The following ZRANB3 variants were observed in gnomAD, a reference collection of about 807,000 sequenced individuals.
ZRANB3 encodes the protein DNA annealing helicase and endonuclease ZRANB3.
Under a neutral mutation model 133.8 loss-of-function variants are expected in ZRANB3, and 125 were observed. That is an observed-to-expected ratio of 0.93 (90% CI 0.81 to 1.08). The LOEUF is 1.08. ZRANB3 is among the 50% of genes least tolerant of loss of function. The pLI is 0.00. For synonymous variants in ZRANB3, 387 were observed against 432.7 expected, an observed-to-expected ratio of 0.89 and a Z score of 1.31; for missense variants, 1,229 against 1,275.5, an observed-to-expected ratio of 0.96 and a Z score of 0.56.
chr2:135,260,893 T>A (rs1031926615), intron 12 of ZRANB3, among the ~76,000 whole-genome samples: 1 of 146,008 alleles, frequency 6.8e-6, no homozygotes, highest in African/African-American at 2.5e-5. Flanking sequence ...TATATACACT[T>A]GACATATATA....
chr2:135,313,084 C>T (rs551080243), intron 8 of ZRANB3, among the ~76,000 whole-genome samples: 23 of 149,084 alleles, frequency 1.5e-4, no homozygotes, highest in Admixed American at 1.4e-3. Context: ...GAAAGTATAA[C>T]GTATAGTATC....
At chr2:135,472,240 C>T (rs1028958540) in intron 2 of ZRANB3, among the ~76,000 whole-genome samples, 4 of 152,246 alleles carry the variant, frequency 2.6e-5, no homozygotes, top group African/African-American at 9.6e-5. Context: ...GTGGCTCATG[C>T]CTATAATCCC....
In ZRANB3 at chr2:135,315,394, G is replaced by A. The variant is rs1293886280; in HGVS notation, c.814C>T (p.Arg272Cys). ...GCTGATGGAAGATCAAATGGAATAC[G>A]CTGTCTGACTTTAGGGGGTAGCTGG... Reference protein sequence around the residue: ...LTQLPPKVRQRIPFDLPSAAA... With the variant: ...LTQLPPKVRQCIPFDLPSAAA... Residue 272 changes from arginine to cysteine, a missense_variant, in exon 7 of 21, where the codon CGT (arginine) becomes TGT (cysteine). Coordinates refer to ENST00000264159, the MANE Select transcript of ZRANB3 (RefSeq NM_032143.4). 3.1e-6 allele frequency: 5 copies of A among 1,598,064 alleles called. No homozygotes were observed. Among genetic ancestry groups the A allele is most frequent in the African/African-American group, 1.3e-5 (1 of 74,080 alleles).
chr2:135,209,891 G>A (rs2105041972), intron 17 of ZRANB3, among the ~76,000 whole-genome samples: 1 of 152,100 alleles, frequency 6.6e-6, no homozygotes, highest in African/African-American at 2.4e-5. Context: ...TATGTTATTA[G>A]GATAGATTTA....
chr2:135,485,851 G>C (rs1163556420), intron 2 of ZRANB3, among the ~76,000 whole-genome samples: 5 of 152,228 alleles, frequency 3.3e-5, no homozygotes, highest in African/African-American at 9.6e-5. Flanking sequence ...ATCGTTTAGA[G>C]AGTTGTAATC....
chr2:135,483,411 G>A (rs1559029329), intron 2 of ZRANB3, among the ~76,000 whole-genome samples: 1 of 152,158 alleles, frequency 6.6e-6, no homozygotes, highest in Non-Finnish European at 1.5e-5. Context: ...GCGTAGAGGT[G>A]TTTGTAGTAT....
At chr2:135,270,208 G>C (rs1027396631) in intron 10 of ZRANB3, among the ~76,000 whole-genome samples, 2 of 152,018 alleles carry the variant, frequency 1.3e-5, no homozygotes, top group Non-Finnish European at 2.9e-5. Context: ...TAGAAATAAT[G>C]CTGAAAAAAT....
At chr2:135,227,682 G>T in intron 14 of ZRANB3, 130 bp downstream of exon 14, 1 of 873,474 alleles carries the variant, frequency 1.1e-6, no homozygotes, top group Non-Finnish European at 1.8e-6. Context: ...GTTACAAATG[G>T]TTGGTATTTT....
Position 135,227,924 on chromosome 2 carries a change from T to G in ZRANB3, c.2046A>C (p.Ser682=). The stretch of plus-strand genomic sequence containing the variant: ...GTGCAAGGGCTTGTTTTTCACAGTC[T>G]GAGATAGTTTGAACCTTTTTGGAGG... ...KDTSKKVQTI[S]DCEKQALAQS... Residue 682 remains serine (S), a synonymous_variant, in exon 14 of 21, where the codon TCA becomes TCC. Transcript: ENST00000264159. 6.4e-7 allele frequency: 1 copy of G among 1,555,532 alleles called. No homozygotes were observed. Among genetic ancestry groups the G allele is most frequent in the Non-Finnish European group, 8.7e-7 (1 of 1,148,314 alleles).
intron 2 of ZRANB3, among the ~76,000 whole-genome samples, chr2:135,498,903 T>C (rs900749444): frequency 2.6e-5 from 4 of 152,218 alleles, no homozygotes; most frequent in African/African-American, 9.7e-5. Flanking sequence ...CCCTGTCTCC[T>C]GATAAGATGT....
chr2:135,292,898 T>G (rs577173357), intron 8 of ZRANB3, among the ~76,000 whole-genome samples: 1 of 151,870 alleles, frequency 6.6e-6, no homozygotes, highest in East Asian at 1.9e-4. Context: ...AAAGATCAGA[T>G]AGCTGTAGAT....
intron 3 of ZRANB3, among the ~76,000 whole-genome samples, chr2:135,360,444 T>C (rs141974748): frequency 3.7e-3 from 561 of 151,550 alleles, no homozygotes; most frequent in Middle Eastern, 6.9e-3. Context: ...CGGTGGCTCA[T>C]GCCTGTATCC....
intron 17 of ZRANB3, 39 bp from the exon 18 acceptor site, chr2:135,209,017 A>C: frequency 3.5e-4 from 543 of 1,569,720 alleles, no homozygotes; most frequent in Non-Finnish European, 4.2e-4. Context: ...CCTCTATCTC[A>C]TATAAAAATG....
chr2:135,483,787 G>A (rs539345408), intron 2 of ZRANB3, among the ~76,000 whole-genome samples: 9 of 152,222 alleles, frequency 5.9e-5, no homozygotes, highest in Non-Finnish European at 7.4e-5. Context: ...CTTTGAATGC[G>A]TCCCAGAGAT....
At chr2:135,416,330 C>T (rs1428016549) in intron 2 of ZRANB3, among the ~76,000 whole-genome samples, 1 of 152,032 alleles carries the variant, frequency 6.6e-6, no homozygotes, top group Non-Finnish European at 1.5e-5. Flanking sequence ...AAACACAGAG[C>T]CAAATCATGA....
At chr2:135,253,505 GCAGTTGTACCAACAT>G (rs1679503407) in intron 12 of ZRANB3, among the ~76,000 whole-genome samples, 1 of 152,090 alleles carries the variant, frequency 6.6e-6, no homozygotes, top group Non-Finnish European at 1.5e-5. Context: ...AGGTGATTTT[GCAGTTGTACCAACAT>G]CATAGAGTGT....
intron 12 of ZRANB3, among the ~76,000 whole-genome samples, chr2:135,264,915 A>G (rs1680152496): frequency 6.6e-6 from 1 of 151,888 alleles, no homozygotes; most frequent in African/African-American, 2.4e-5. Context: ...CACCCAGCTA[A>G]TTTTTGTATT....
chr2:135,513,628 A>C (rs1027346605), intron 1 of ZRANB3, among the ~76,000 whole-genome samples: 1 of 152,164 alleles, frequency 6.6e-6, no homozygotes, highest in African/African-American at 2.4e-5. Context: ...ACAAGAGTAA[A>C]CCTTTGTAAT....
At chr2:135,206,240 T>G (rs2105037079) in intron 19 of ZRANB3, among the ~76,000 whole-genome samples, 1 of 151,890 alleles carries the variant, frequency 6.6e-6, no homozygotes, top group Non-Finnish European at 1.5e-5. Context: ...AACTATAAAA[T>G]ACTTTTTTTT....
Sources: gnomAD v4.1 joint callset for allele counts (sites outside exome capture counted in the v4.1 genomes callset) on GRCh38, gnomAD v4.1.1 for gene constraint, MANE v1.5 for transcripts, NCBI Gene and HGNC (gene_info 2026-07-23, HGNC 2026-07-21) for gene names.